Variants in MGST1 observed in about 807,000 individuals in gnomAD.
MGST1 encodes the protein glutathione S-transferase 12.
A neutral mutation model predicts 8.9 loss-of-function variants in MGST1; 5 were observed. The observed-to-expected ratio is 0.56, with a 90% CI of 0.29 to 1.19. The LOEUF is 1.19. Ranked by LOEUF, MGST1 falls within the 50% of genes most tolerant of loss-of-function variation. The probability of loss-of-function intolerance (pLI) is 0.08; values close to 1 mark genes in which losing one functional copy is unlikely to be tolerated. For missense variants in MGST1, 182 were observed against 187.4 expected (o/e 0.97, Z 0.17); for synonymous variants, 54 against 67.8 (o/e 0.80, Z 1.00).
At chr12:16,501,098 G>GAAAAAAAAAAAAA in intron 4 of MGST1, among the ~76,000 whole-genome samples, 1 of 83,822 alleles carries the variant, frequency 1.2e-5, no homozygotes, top group Non-Finnish European at 2.2e-5. Context: ...ACTCTGTCTC[G>GAAAAAAAAAAAAA]AAAAAAAAAA....
At chr12:16,565,983 C>CATATATATATATAT (rs61358392) in intron 4 of MGST1, among the ~76,000 whole-genome samples, 2 of 43,856 alleles carry the variant, frequency 4.6e-5, no homozygotes, top group Non-Finnish European at 8.7e-5. Flanking sequence ...GAAAATGTGC[C>CATATATATATATAT]ATATATATAT....
At chr12:16,380,861 C>A (rs1002197942), downstream of MGST1, among the ~76,000 whole-genome samples, 1 of 152,112 alleles carries the variant, frequency 6.6e-6, no homozygotes, top group Non-Finnish European at 1.5e-5. Flanking sequence ...GGATAGTTAG[C>A]TCTTCTTGTT....
Position 16,414,399 on chromosome 12 carries a change from T to A in MGST1, n.779-22989T>A, listed in dbSNP as rs200832563. On this transcript the variant is annotated intron_variant and non_coding_transcript_variant, in intron 1 of 1. Transcript: ENST00000359720. ...TTTAGGCCTCAAGGTGTTTTTATTT[T>A]TTTTTTTATTTTTTATTTATTTATT... is the stretch of plus-strand genomic sequence containing the variant. 2.4e-4 allele frequency among the ~76,000 whole-genome samples: 36 copies of A among 149,578 alleles called. No individual in the cohort carries two copies. In the South Asian group the frequency reaches 4.8e-3, roughly 20 times the overall value.
chr12:16,539,342 G>T (rs942316695), intron 4 of MGST1, among the ~76,000 whole-genome samples: 1 of 151,964 alleles, frequency 6.6e-6, no homozygotes, highest in Non-Finnish European at 1.5e-5. Flanking sequence ...AAAGAGTAAG[G>T]GGGTATTACA....
intron 1 of MGST1, among the ~76,000 whole-genome samples, chr12:16,409,350 G>A (rs571704283): frequency 1.8e-4 from 27 of 152,038 alleles, no homozygotes; most frequent in Non-Finnish European, 2.1e-4. Context: ...ATTCTGAAAG[G>A]AATCTCTGGA....
At chr12:16,523,030 GT>G (rs1030760281) in intron 4 of MGST1, among the ~76,000 whole-genome samples, 28 of 150,634 alleles carry the variant, frequency 1.9e-4, no homozygotes, top group African/African-American at 6.6e-4. Flanking sequence ...TTTTTTTTTA[GT>G]TTGAAAGACA....
At chr12:16,472,818 G>T (rs1191339925) in intron 4 of MGST1, among the ~76,000 whole-genome samples, 1 of 152,050 alleles carries the variant, frequency 6.6e-6, no homozygotes, top group African/African-American at 2.4e-5. Context: ...TACTGAACTG[G>T]CAGCAAAAGG....
intron 4 of MGST1, among the ~76,000 whole-genome samples, chr12:16,572,430 A>T (rs963054566): frequency 3.4e-4 from 35 of 103,654 alleles, no homozygotes; most frequent in Non-Finnish European, 4.2e-4. Flanking sequence ...CTTCTTTATT[A>T]AAAAAAAAAC....
At chr12:16,518,482 G>C (rs1941628300) in intron 4 of MGST1, among the ~76,000 whole-genome samples, 1 of 152,130 alleles carries the variant, frequency 6.6e-6, no homozygotes. Context: ...TAGTCAAAAT[G>C]ATTGCACTTA....
intron 4 of MGST1, among the ~76,000 whole-genome samples, chr12:16,478,702 A>G (rs1311895944): frequency 2.6e-5 from 4 of 152,162 alleles, no homozygotes; most frequent in Non-Finnish European, 5.9e-5. Context: ...TAAAAAATGT[A>G]TAGATTGGAC....
intron 4 of MGST1, among the ~76,000 whole-genome samples, chr12:16,523,182 C>G (rs1320401037): frequency 6.6e-6 from 1 of 152,024 alleles, no homozygotes; most frequent in African/African-American, 2.4e-5. Context: ...ATTTTATACA[C>G]CAAACCACTT....
chr12:16,557,941 A>T (rs955572802), intron 4 of MGST1, among the ~76,000 whole-genome samples: 1 of 152,066 alleles, frequency 6.6e-6, no homozygotes, highest in Admixed American at 6.5e-5. Flanking sequence ...GTCCATTTTT[A>T]TATTGATAAT....
chr12:16,571,699 A>C (rs972998477), intron 4 of MGST1, among the ~76,000 whole-genome samples: 4 of 152,028 alleles, frequency 2.6e-5, no homozygotes, highest in African/African-American at 9.7e-5. Flanking sequence ...CACTGACTCA[A>C]ATATGCAGAT....
In MGST1 at chr12:16,361,847, A is replaced by T. The variant is rs1940010538; in HGVS notation, c.222-1948A>T. On this transcript the variant is annotated intron_variant, in intron 3 of 3. Coordinates refer to ENST00000396210, the MANE Select transcript of MGST1 (RefSeq NM_020300.5). This position sits in a 1 kb window ranked among gnomAD's most constrained non-coding sequence, Gnocchi z 4.2. The stretch of plus-strand genomic sequence containing the variant: ...AAAGGGAGAATAAGATAAAGAGAAA[A>T]TGAGGCTAGAAAAACATGCAGGAGC... 6.6e-6 allele frequency among the ~76,000 whole-genome samples: 1 copy of T among 152,174 alleles called. No homozygotes were observed. Among genetic ancestry groups the T allele is most frequent in the African/African-American group, 2.4e-5 (1 of 41,434 alleles).
chr12:16,362,535 T>C lies in MGST1; in HGVS notation c.222-1260T>C. 2 of 152,238 alleles carry C rather than the reference T, an allele frequency of 1.3e-5. 1 individual carries two copies. Among genetic ancestry groups the C allele is most frequent in the Non-Finnish European group, 2.9e-5 (2 of 68,048 alleles). 9.4% of individuals were successfully genotyped at this position (152,238 alleles called of 1,614,324 possible). On this transcript the variant is annotated intron_variant, in intron 3 of 3. Coordinates refer to ENST00000396210, the MANE Select transcript of MGST1 (RefSeq NM_020300.5). The surrounding 1 kb of genome is among the most constrained non-coding windows in gnomAD (Gnocchi z 4.4). ...GAGTAACGTAAAGCAGAAATAGTTTTCATTTTGAAATACATATCAATAGCT... is the reference window on the plus strand; with the variant it reads ...GAGTAACGTAAAGCAGAAATAGTTTCCATTTTGAAATACATATCAATAGCT...
In MGST1 at chr12:16,548,020, G is replaced by A. The variant is rs1204996824; in HGVS notation, n.483-41508G>A. Among the ~76,000 whole-genome samples the A allele has an allele frequency of 6.6e-6, 1 of 152,120 alleles. No homozygotes were observed. The highest frequency in any genetic ancestry group is 1.5e-5 in the Non-Finnish European group (1 of 68,016). ...GTAAAAATGTAGAATTGAGTTTCCT[G>A]TTTTAATTCATTATACAGAATAGAA... is the stretch of plus-strand genomic sequence containing the variant. On this transcript the variant is annotated intron_variant and non_coding_transcript_variant, in intron 4 of 4. Coordinates refer to the MGST1 transcript ENST00000538857. The surrounding 1 kb of genome is among the most constrained non-coding windows in gnomAD (Gnocchi z 4.2).
chr12:16,349,742 T>G (rs1045785499), intron 1 of MGST1, among the ~76,000 whole-genome samples: 3 of 145,558 alleles, frequency 2.1e-5, no homozygotes, highest in African/African-American at 5.3e-5. Context: ...TCCCAGAGCT[T>G]CTTTTTTTTT....
intron 4 of MGST1, among the ~76,000 whole-genome samples, chr12:16,532,634 T>C (rs1321179523): frequency 6.6e-6 from 1 of 152,040 alleles, no homozygotes; most frequent in Non-Finnish European, 1.5e-5. Flanking sequence ...TGAGTTGGAG[T>C]GTTCAGGGGT....
At chr12:16,441,527 T>C (rs1292385845), downstream of MGST1, among the ~76,000 whole-genome samples, 1 of 151,916 alleles carries the variant, frequency 6.6e-6, no homozygotes, top group Non-Finnish European at 1.5e-5. Context: ...GATCATTGAC[T>C]TTTTACTGTC....
Sources: allele counts gnomAD v4.1 joint callset (sites outside exome capture counted in the v4.1 genomes callset), GRCh38; gene constraint gnomAD v4.1.1; non-coding constraint Gnocchi (gnomAD v3.1); transcripts MANE v1.5; gene names NCBI Gene and HGNC (gene_info 2026-07-23, HGNC 2026-07-21).